NLRP4: variants seen among roughly 807,000 people sequenced by gnomAD.
The protein encoded by NLRP4 is NLR family pyrin domain containing 4.
A neutral mutation model predicts 84.7 loss-of-function variants in NLRP4; 44 were observed. The ratio of observed to expected loss-of-function variants is 0.52; its 90% CI spans 0.41 to 0.67. NLRP4 has a LOEUF of 0.67. Among genes scored for constraint, NLRP4 ranks in the 30% least tolerant of loss-of-function variants. The pLI, the probability that NLRP4 is intolerant of heterozygous loss-of-function variation, is 0.00. For missense variants in NLRP4, 1,260 were observed against 1,219.4 expected (o/e 1.03, Z -0.50); for synonymous variants, 544 against 476.4 (o/e 1.14, Z -1.85).
chr19:55,874,919 A>C, intron 7 of NLRP4, among the ~76,000 whole-genome samples: 1 of 152,220 alleles, frequency 6.6e-6, no homozygotes, highest in East Asian at 1.9e-4. Context: ...AATAAACATA[A>C]TGACTAAGTT....
chr19:55,852,469 A>T, intron 2 of NLRP4, 109 bp downstream of exon 2: 1 of 669,628 alleles, frequency 1.5e-6, no homozygotes, highest in Non-Finnish European at 2.5e-6. Flanking sequence ...CTATGGGAAA[A>T]TATTAGGTTT....
intron 1 of NLRP4, among the ~76,000 whole-genome samples, chr19:55,842,988 T>C (rs1308535855): frequency 6.6e-6 from 1 of 151,126 alleles, no homozygotes; most frequent in Non-Finnish European, 1.5e-5. Context: ...CTTGATCTCC[T>C]GACCTCGTGA....
intron 1 of NLRP4, among the ~76,000 whole-genome samples, chr19:55,847,948 C>T (rs1340064783): frequency 6.6e-6 from 1 of 152,084 alleles, no homozygotes; most frequent in East Asian, 1.9e-4. Flanking sequence ...AACTCCTGAC[C>T]TCGTGATCTG....
At position 55,852,032 on chromosome 19, in the gene NLRP4, G is replaced by A; in HGVS notation, c.-49G>A. ...TTTCTACAGGTTTTATTTATTTATT[G>A]TTCCTGGTCACTGTCTCTTTGAGGA... On this transcript the variant is annotated 5_prime_UTR_variant, in exon 2 of 10. Transcript: ENST00000301295. The A allele has an allele frequency of 7.3e-7, 1 of 1,374,244 alleles. No individual in the cohort carries two copies. The allele number at this position is 1,374,244 out of a possible 1,614,324, so 85.1% of individuals were successfully genotyped here. A position where few individuals can be genotyped will look rare whatever the true frequency, so the allele number is the denominator to read the frequency against.
chr19:55,859,350 C>A, intron 3 of NLRP4, 101 bp downstream of exon 3: 1 of 928,848 alleles, frequency 1.1e-6, no homozygotes, highest in Non-Finnish European at 1.6e-6. Flanking sequence ...TGGTTAGAAA[C>A]TCATTTTTTC....
At chr19:55,844,969 A>G (rs1033943822) in intron 1 of NLRP4, among the ~76,000 whole-genome samples, 6 of 152,036 alleles carry the variant, frequency 3.9e-5, no homozygotes, top group Non-Finnish European at 8.8e-5. Flanking sequence ...TCACTTTCAG[A>G]GGATCTCTTC....
At chr19:55,850,152 A>AGGCTGCGGTGTAATTTCCTT (rs1984013572) in intron 1 of NLRP4, among the ~76,000 whole-genome samples, 3 of 52,248 alleles carry the variant, frequency 5.7e-5, no homozygotes, top group East Asian at 1.1e-3. Context: ...GTAATTTCCG[A>AGGCTGCGGTGTAATTTCCTT]GGCTGCGGTG....
In NLRP4 at chr19:55,858,557, G is replaced by C; in HGVS notation, c.1164G>C (p.Pro388=). The C allele has an allele frequency of 6.2e-7, 1 of 1,614,074 alleles. No individual in the cohort carries two copies. The highest frequency in any genetic ancestry group is 8.5e-7 in the Non-Finnish European group (1 of 1,179,996). Residue 388 remains proline, a synonymous_variant, in exon 3 of 10, where the codon CCG becomes CCC. Coordinates refer to ENST00000301295, the MANE Select transcript of NLRP4 (RefSeq NM_134444.5). This position sits in a 1 kb window ranked among gnomAD's most constrained non-coding sequence, Gnocchi z 4.2. ...NLFTPEGAEG[P]TPQTQHQLKA... Reference sequence around the variant, plus strand: ...TCACACCTGAGGGTGCCGAGGGCCCGACTCCGCAAACCCAGCACCAGCTGA... The same window carrying C: ...TCACACCTGAGGGTGCCGAGGGCCCCACTCCGCAAACCCAGCACCAGCTGA...
intron 4 of NLRP4, among the ~76,000 whole-genome samples, chr19:55,861,751 C>G (rs1984765846): frequency 6.6e-6 from 1 of 152,110 alleles, no homozygotes; most frequent in Non-Finnish European, 1.5e-5. Context: ...AAGATGCATC[C>G]CTGGTCTCTA....
At position 55,850,064 on chromosome 19, in the gene NLRP4, A is replaced by ATTTCCGAGGCTGCGGTGTG. The variant is rs1984000971; in HGVS notation, c.-65-1952_-65-1951insTTTCCGAGGCTGCGGTGTG. On this transcript the variant is annotated intron_variant, in intron 1 of 9. Coordinates refer to ENST00000301295, the MANE Select transcript of NLRP4 (RefSeq NM_134444.5). ...GGTGTGATTTCCGTAGCTGCGGTGG[A>ATTTCCGAGGCTGCGGTGTG]ATTTCCGAGACTGCGGTGTAATTTC... Among the ~76,000 whole-genome samples the ATTTCCGAGGCTGCGGTGTG allele has an allele frequency of 4.9e-5, 5 of 101,506 alleles. 1 individual carries two copies. The highest frequency in any genetic ancestry group is 9.4e-5 in the Non-Finnish European group (5 of 53,340). The allele number at this position is 101,506 out of a possible 152,430, so 66.6% of individuals were successfully genotyped here. A position where few individuals can be genotyped will look rare whatever the true frequency, so the allele number is the denominator to read the frequency against.
At chr19:55,854,980 T>A (rs1461633431) in intron 2 of NLRP4, among the ~76,000 whole-genome samples, 1 of 152,204 alleles carries the variant, frequency 6.6e-6, no homozygotes, top group African/African-American at 2.4e-5. Context: ...CGCCTTGGCT[T>A]CCCAAAGGGC....
chr19:55,849,736 A>C (rs753938774), intron 1 of NLRP4, among the ~76,000 whole-genome samples: 5 of 152,142 alleles, frequency 3.3e-5, no homozygotes, highest in Admixed American at 6.5e-5. Context: ...TTTACAGTGT[A>C]ATTTCTATAT....
chr19:55,868,323 T>G (rs924860020), intron 6 of NLRP4, among the ~76,000 whole-genome samples: 3 of 152,180 alleles, frequency 2.0e-5, no homozygotes, highest in Non-Finnish European at 4.4e-5. Context: ...TGTGATGTTC[T>G]TGCAGTAATA....
chr19:55,879,076 T>A, intron 9 of NLRP4, 112 bp downstream of exon 9: 1 of 837,804 alleles, frequency 1.2e-6, no homozygotes, highest in Non-Finnish European at 1.9e-6. Flanking sequence ...ATGTTCCTTG[T>A]CTCAGGGTTG....
chr19:55,871,037 T>G, intron 7 of NLRP4, 40 bp downstream of exon 7: 1 of 1,584,148 alleles, frequency 6.3e-7, no homozygotes, highest in Admixed American at 1.7e-5. Context: ...AAGCCGTCTT[T>G]TCAAGGGCAT....
In NLRP4 at chr19:55,857,582, C is replaced by CT. The variant is rs764084508; in HGVS notation, c.281-92_281-91insT. On this transcript the variant is annotated intron_variant, in intron 2 of 9. Transcript: ENST00000301295. ...GCCTGGGGGCCACAGTGTGTAGACCCCTGGAAAGATACATCCTGAGAAGAA... is the reference window on the plus strand; with the variant it reads ...GCCTGGGGGCCACAGTGTGTAGACCCTCTGGAAAGATACATCCTGAGAAGAA... 1.2e-5 allele frequency: 15 copies of CT among 1,240,300 alleles called. No homozygotes were observed. In the East Asian group the frequency reaches 3.5e-4, roughly 29 times the overall value. The allele number at this position is 1,240,300 out of a possible 1,614,324, so 76.8% of individuals were successfully genotyped here.
At chr19:55,852,643 A>T (rs112701925) in intron 2 of NLRP4, among the ~76,000 whole-genome samples, 1,663 of 151,884 alleles carry the variant, frequency 0.011, 30 homozygotes, top group African/African-American at 0.038. Context: ...TGCCTGGCTA[A>T]TTTTTGTATT....
In NLRP4 at chr19:55,837,607, A is replaced by AACACACACCACACACACACACACACACAC. The variant is rs1555805877; in HGVS notation, c.-66+681_-66+682insCACACACACACACACACACACACACACAC. 2.0e-3 allele frequency among the ~76,000 whole-genome samples: 307 copies of AACACACACCACACACACACACACACACAC among 151,574 alleles called. 1 individual carries two copies. The highest frequency in any genetic ancestry group is 0.014 in the Middle Eastern group (4 of 292). ...GGTTGAATTGTGTCCCAACCCTAAA[A>AACACACACCACACACACACACACACACAC]ACACACACACACACACAAAGTCCTA... On this transcript the variant is annotated intron_variant, in intron 1 of 9. Transcript: ENST00000301295.
chr19:55,861,311 G>C lies in NLRP4; in HGVS notation c.1857-75G>C. On this transcript the variant is annotated intron_variant, in intron 3 of 9. Transcript: ENST00000301295. ...GACATCTTCTGTTTGAGAAGACAGC[G>C]TAGTGCGTATATGTGTTACAAGTGG... The C allele has an allele frequency of 4.0e-6, 5 of 1,242,492 alleles. No individual in the cohort carries two copies. In the South Asian group the frequency reaches 6.8e-5, roughly 17 times the overall value. 77.0% of individuals were successfully genotyped at this position (1,242,492 alleles called of 1,614,324 possible).
Sources: gnomAD v4.1 joint callset for allele counts (sites outside exome capture counted in the v4.1 genomes callset) on GRCh38, gnomAD v4.1.1 for gene constraint, Gnocchi (gnomAD v3.1) non-coding constraint, MANE v1.5 for transcripts, NCBI Gene and HGNC (gene_info 2026-07-23, HGNC 2026-07-21) for gene names.